The following CDH8 variants were observed in gnomAD, a reference collection of about 807,000 sequenced individuals.
CDH8 encodes cadherin 8, also known as cadherin-8.
In CDH8, 17 loss-of-function variants were observed where a neutral mutation model predicts 68.1. The ratio of observed to expected loss-of-function variants is 0.25; its 90% confidence interval spans 0.17 to 0.37. CDH8 has a LOEUF of 0.37. CDH8 is among the 10% of genes least tolerant of loss of function. The pLI is 1.00. For missense variants in CDH8, 763 were observed against 999.3 expected, an observed-to-expected ratio of 0.76 and a Z score of 3.19; for synonymous variants, 372 against 365.1, an observed-to-expected ratio of 1.02 and a Z score of -0.21.
chr16:61,828,683 C>T (rs1962393999), intron 4 of CDH8, among the ~76,000 whole-genome samples: 1 of 151,730 alleles, frequency 6.6e-6, no homozygotes, highest in South Asian at 2.1e-4. Flanking sequence ...AAGGGTCAAC[C>T]ATATATTTTC....
At chr16:61,742,673 C>T (rs1241113979) in intron 8 of CDH8, among the ~76,000 whole-genome samples, 2 of 152,022 alleles carry the variant, frequency 1.3e-5, no homozygotes, top group Non-Finnish European at 2.9e-5. Context: ...TCCTTGTATT[C>T]CCTGAGTGTA....
chr16:61,963,347 C>T (rs527625186), intron 2 of CDH8, among the ~76,000 whole-genome samples: 14 of 152,322 alleles, frequency 9.2e-5, no homozygotes, highest in African/African-American at 3.4e-4. Context: ...ATTCCATCTA[C>T]AACATTTTTA....
At chr16:61,710,454 A>C (rs1964610591) in intron 10 of CDH8, among the ~76,000 whole-genome samples, 1 of 152,050 alleles carries the variant, frequency 6.6e-6, no homozygotes, top group African/African-American at 2.4e-5. Flanking sequence ...AATTATCAAA[A>C]GTATGCATTT....
rs949811636 is a variant in CDH8 at position 61,650,957 on chromosome 16, G to A, written c.*2651C>T. On this transcript the variant is annotated 3_prime_UTR_variant, in exon 12 of 12. Coordinates refer to ENST00000577390, the MANE Select transcript of CDH8 (RefSeq NM_001796.5). Reference sequence around the variant, plus strand: ...TCCTAGGCAAAGAGAATACTTAGGCGATATTTGGGCAACTAGTAGAGCAGA... The same window carrying A: ...TCCTAGGCAAAGAGAATACTTAGGCAATATTTGGGCAACTAGTAGAGCAGA... 6.6e-6 allele frequency: 1 copy of A among 151,986 alleles called. No homozygotes were observed. Among genetic ancestry groups the A allele is most frequent in the Admixed American group, 6.6e-5 (1 of 15,246 alleles). The allele number at this position is 151,986 out of a possible 1,614,324, so 9.4% of individuals were successfully genotyped here.
chr16:61,803,412 C>T (rs1333763402), intron 7 of CDH8, among the ~76,000 whole-genome samples: 3 of 127,862 alleles, frequency 2.3e-5, no homozygotes, highest in Non-Finnish European at 3.3e-5. Flanking sequence ...CATCAACTAA[C>T]CAGCAAAATC....
intron 9 of CDH8, chr16:61,714,299 G>A (rs1008746520): frequency 6.6e-5 from 17 of 258,456 alleles, no homozygotes; most frequent in Non-Finnish European, 1.3e-4. Flanking sequence ...AATGAGATTT[G>A]GAATTGTTAC....
chr16:61,648,132 C>A lies in CDH8; in HGVS notation c.*5476G>T. The A allele has an allele frequency of 3.3e-6, 1 of 305,280 alleles. No individual in the cohort carries two copies. The highest frequency in any genetic ancestry group is 6.0e-6 in the Non-Finnish European group (1 of 166,548). 18.9% of individuals were successfully genotyped at this position (305,280 alleles called of 1,614,324 possible). ...CAACATTACAACTCAGGAGATGACC[C>A]CAAATACCAGCATGTAATTTCTGTT... On this transcript the variant is annotated 3_prime_UTR_variant, in exon 12 of 12. Coordinates refer to ENST00000577390, the MANE Select transcript of CDH8 (RefSeq NM_001796.5).
At chr16:61,877,254 C>A (rs1963478312) in intron 3 of CDH8, among the ~76,000 whole-genome samples, 1 of 151,416 alleles carries the variant, frequency 6.6e-6, no homozygotes, top group Admixed American at 6.6e-5. Context: ...GTATATTATA[C>A]TTGGAACTGA....
intron 10 of CDH8, chr16:61,693,406 G>A (rs1964270400): frequency 6.6e-6 from 1 of 152,046 alleles, no homozygotes; most frequent in Non-Finnish European, 1.5e-5. Context: ...GAGTAAATGT[G>A]ACAGAGAAGA....
At chr16:61,884,374 ATTTT>A (rs60987099) in intron 3 of CDH8, among the ~76,000 whole-genome samples, 1 of 140,626 alleles carries the variant, frequency 7.1e-6, no homozygotes, top group Non-Finnish European at 1.6e-5. Context: ...CTTTCTTATG[ATTTT>A]TTTTTTTTTT....
At chr16:61,676,029 A>G (rs1207661481) in intron 10 of CDH8, among the ~76,000 whole-genome samples, 1 of 151,642 alleles carries the variant, frequency 6.6e-6, no homozygotes, top group Non-Finnish European at 1.5e-5. Context: ...TTGTAGACTT[A>G]AAGTTAACAG....
At chr16:61,766,238 T>A (rs1960587178) in intron 8 of CDH8, among the ~76,000 whole-genome samples, 1 of 151,634 alleles carries the variant, frequency 6.6e-6, no homozygotes. Context: ...TGAGAACATG[T>A]GGGTATTTGG....
chr16:61,670,723 G>A (rs1274512385), intron 10 of CDH8, among the ~76,000 whole-genome samples: 7 of 151,884 alleles, frequency 4.6e-5, no homozygotes, highest in African/African-American at 1.7e-4. Flanking sequence ...GACCCCAGGA[G>A]ATACATGAAA....
At chr16:62,002,809 T>G (rs1216921707) in intron 2 of CDH8, among the ~76,000 whole-genome samples, 1 of 152,168 alleles carries the variant, frequency 6.6e-6, no homozygotes, top group Non-Finnish European at 1.5e-5. Context: ...ATCCCAGCAC[T>G]TTGGGAGGCC....
At chr16:61,942,967 G>A (rs1200355768) in intron 2 of CDH8, among the ~76,000 whole-genome samples, 1 of 152,152 alleles carries the variant, frequency 6.6e-6, no homozygotes, top group East Asian at 1.9e-4. Context: ...AGCTTAGGTG[G>A]GAAGATCGCT....
chr16:61,781,924 G>A (rs564679074), intron 8 of CDH8, among the ~76,000 whole-genome samples: 1 of 152,162 alleles, frequency 6.6e-6, no homozygotes, highest in African/African-American at 2.4e-5. Flanking sequence ...TAAGACACTA[G>A]GGAAGAAAAT....
intron 2 of CDH8, among the ~76,000 whole-genome samples, chr16:61,928,153 T>C (rs554859939): frequency 6.6e-6 from 1 of 152,222 alleles, no homozygotes; most frequent in African/African-American, 2.4e-5. Flanking sequence ...TAACAGAAAA[T>C]ACTTAGGGCA....
intron 7 of CDH8, among the ~76,000 whole-genome samples, chr16:61,789,971 GTTTGT>G (rs1454762315): frequency 1.3e-5 from 2 of 152,104 alleles, no homozygotes; most frequent in African/African-American, 4.8e-5. Context: ...GGTGGTGGTC[GTTTGT>G]TTTGTTTTAT....
chr16:62,034,110 A>G (rs1215024614), intron 1 of CDH8, among the ~76,000 whole-genome samples: 1 of 152,090 alleles, frequency 6.6e-6, no homozygotes, highest in Non-Finnish European at 1.5e-5. Context: ...TAACCCTAAG[A>G]GAACATCCTT....
Sources: gnomAD v4.1 joint callset for allele counts (sites outside exome capture counted in the v4.1 genomes callset) on GRCh38, gnomAD v4.1.1 for gene constraint, MANE v1.5 for transcripts, NCBI Gene and HGNC (gene_info 2026-07-23, HGNC 2026-07-21) for gene names.